Variants in TSPEAR observed in about 807,000 individuals in gnomAD.
The protein encoded by TSPEAR is thrombospondin-type laminin G domain and EAR repeat-containing protein.
A neutral mutation model predicts 71.6 loss-of-function variants in TSPEAR; 69 were observed. The observed-to-expected ratio is 0.96, with a 90% CI of 0.79 to 1.18. The LOEUF is 1.18. TSPEAR is among the 50% of genes most tolerant of loss of function. TSPEAR has a pLI of 0.00. For synonymous variants in TSPEAR, 402 were observed against 387.2 expected, an observed-to-expected ratio of 1.04 and a Z score of -0.45; for missense variants, 971 against 894.9, an observed-to-expected ratio of 1.09 and a Z score of -1.09.
intron 1 of TSPEAR, among the ~76,000 whole-genome samples, chr21:44,583,723 C>G (rs1042545557): frequency 3.9e-5 from 6 of 152,022 alleles, no homozygotes; most frequent in Admixed American, 2.0e-4. Flanking sequence ...TCCCTTTTTC[C>G]CCAGCTTTAT....
At chr21:44,531,994 C>T (rs1555915823) in intron 3 of TSPEAR, among the ~76,000 whole-genome samples, 1 of 152,254 alleles carries the variant, frequency 6.6e-6, no homozygotes, top group Non-Finnish European at 1.5e-5. Flanking sequence ...CATCTGGCTG[C>T]AGCTGGCCGT....
At chr21:44,633,796 A>AT (rs1239984028) in intron 1 of TSPEAR, among the ~76,000 whole-genome samples, 2 of 152,030 alleles carry the variant, frequency 1.3e-5, no homozygotes, top group Non-Finnish European at 2.9e-5. Context: ...CTATTTAAAA[A>AT]TTTTTTTTAA....
At chr21:44,675,763 C>G (rs1342614479) in intron 1 of TSPEAR, 11 of 517,078 alleles carry the variant, frequency 2.1e-5, no homozygotes, top group Non-Finnish European at 3.1e-5. Flanking sequence ...TACTTGTAAG[C>G]CTGCTCATGT....
At chr21:44,542,362 A>G (rs1269487423) in intron 2 of TSPEAR, among the ~76,000 whole-genome samples, 1 of 152,200 alleles carries the variant, frequency 6.6e-6, no homozygotes, top group Non-Finnish European at 1.5e-5. Flanking sequence ...GAAATCCTAC[A>G]AGGAGAGGAG....
chr21:44,543,240 T>G (rs1335360830), intron 2 of TSPEAR, among the ~76,000 whole-genome samples: 2 of 152,232 alleles, frequency 1.3e-5, no homozygotes, highest in Non-Finnish European at 2.9e-5. Context: ...TCTAAATGAA[T>G]GTTGACTGTA....
chr21:44,504,693 G>A (rs587729520), intron 11 of TSPEAR, 87 bp downstream of exon 11: 1 of 612,332 alleles, frequency 1.6e-6, no homozygotes, highest in East Asian at 2.8e-5. Context: ...CAGTGGGGAA[G>A]CAAGTCTCTT....
chr21:44,505,907 CAG>C (rs1366836850), intron 10 of TSPEAR, among the ~76,000 whole-genome samples: 2 of 152,130 alleles, frequency 1.3e-5, no homozygotes, highest in East Asian at 3.9e-4. Flanking sequence ...TTGAAACAAT[CAG>C]AGAAAAAGTC....
intron 9 of TSPEAR, among the ~76,000 whole-genome samples, chr21:44,511,423 T>C (rs2052375261): frequency 6.6e-6 from 1 of 152,192 alleles, no homozygotes; most frequent in South Asian, 2.1e-4. Flanking sequence ...CCTGTACACA[T>C]GTGGATACAC....
At chr21:44,566,331 T>C (rs1347178682) in intron 2 of TSPEAR, among the ~76,000 whole-genome samples, 1 of 152,124 alleles carries the variant, frequency 6.6e-6, no homozygotes, top group East Asian at 1.9e-4. Flanking sequence ...CTATAAAACA[T>C]TATTTTTGTT....
At chr21:44,682,637 C>T (rs1238816349) in intron 1 of TSPEAR, among the ~76,000 whole-genome samples, 1 of 152,202 alleles carries the variant, frequency 6.6e-6, no homozygotes, top group African/African-American at 2.4e-5. Context: ...AGGAGATGCT[C>T]GTTTTCAGGC....
At chr21:44,585,363 C>T (rs1555925568) in intron 1 of TSPEAR, among the ~76,000 whole-genome samples, 1 of 152,224 alleles carries the variant, frequency 6.6e-6, no homozygotes, top group Non-Finnish European at 1.5e-5. Flanking sequence ...TCATTCATTT[C>T]ACCAGACCCC....
intron 8 of TSPEAR, 117 bp downstream of exon 8, chr21:44,525,536 A>ACCC: frequency 1.8e-6 from 2 of 1,124,168 alleles, no homozygotes; most frequent in Non-Finnish European, 2.6e-6. Flanking sequence ...ACGCATGTTC[A>ACCC]CCCTGTGCTG....
intron 1 of TSPEAR, among the ~76,000 whole-genome samples, chr21:44,583,229 G>A (rs1286305652): frequency 2.6e-5 from 4 of 152,198 alleles, no homozygotes; most frequent in African/African-American, 7.2e-5. Flanking sequence ...GGCTGGGGGA[G>A]GGAGGTGCTG....
At chr21:44,547,112 T>C (rs1555917816) in intron 2 of TSPEAR, among the ~76,000 whole-genome samples, 2 of 152,270 alleles carry the variant, frequency 1.3e-5, no homozygotes, top group Admixed American at 6.5e-5. Flanking sequence ...AGTATATTAA[T>C]TCGTCTGTCT....
chr21:44,684,166 C>A (rs1286266731), intron 1 of TSPEAR, among the ~76,000 whole-genome samples: 1 of 152,190 alleles, frequency 6.6e-6, no homozygotes, highest in Non-Finnish European at 1.5e-5. Flanking sequence ...ACAGTGGAGA[C>A]ACATCTTTAA....
intron 2 of TSPEAR, chr21:44,551,416 T>C (rs233240): frequency 0.2 from 329,574 of 1,612,860 alleles, 35,132 homozygotes; most frequent in East Asian, 0.4. Flanking sequence ...TGCCAGGAGT[T>C]GGTGCAGGCG....
At chr21:44,588,824 A>G (rs587634964) in intron 1 of TSPEAR, among the ~76,000 whole-genome samples, 5 of 151,584 alleles carry the variant, frequency 3.3e-5, no homozygotes, top group African/African-American at 7.2e-5. Flanking sequence ...TCAGTAATAA[A>G]AAGAAATGAA....
chr21:44,667,899 A>AT (rs1985871380), intron 1 of TSPEAR, among the ~76,000 whole-genome samples: 1 of 152,246 alleles, frequency 6.6e-6, no homozygotes, highest in African/African-American at 2.4e-5. Context: ...CAAACTAAGA[A>AT]TAGAAGAAAA....
At chr21:44,582,268 T>C (rs1363781939) in intron 1 of TSPEAR, among the ~76,000 whole-genome samples, 10 of 152,304 alleles carry the variant, frequency 6.6e-5, no homozygotes, top group Non-Finnish European at 4.4e-5. Context: ...TAAGTAACCT[T>C]GAAAGAGGAC....
Sources: allele counts gnomAD v4.1 joint callset (sites outside exome capture counted in the v4.1 genomes callset), GRCh38; gene constraint gnomAD v4.1.1; transcripts MANE v1.5; gene names NCBI Gene and HGNC (gene_info 2026-07-23, HGNC 2026-07-21).